The following GCNT2 variants were observed in gnomAD, a reference collection of about 807,000 sequenced individuals.
GCNT2 encodes the protein glucosaminyl (N-acetyl) transferase 2 (I blood group), also known as N-acetyllactosaminide beta-1,6-N-acetylglucosaminyl-transferase.
A neutral mutation model predicts 34.2 loss-of-function variants in GCNT2; 34 were observed. That is an observed-to-expected ratio of 1.00 (90% confidence interval 0.76 to 1.32). The LOEUF is 1.32. GCNT2 is among the 40% of genes most tolerant of loss of function. The pLI is 0.00. For missense variants in GCNT2, 584 were observed against 489.4 expected, an observed-to-expected ratio of 1.19 and a Z score of -1.82; for synonymous variants, 212 against 188.0, an observed-to-expected ratio of 1.13 and a Z score of -1.04.
At chr6:10,538,880 T>C (rs1488802937) in intron 3 of GCNT2, among the ~76,000 whole-genome samples, 1 of 152,152 alleles carries the variant, frequency 6.6e-6, no homozygotes, top group Non-Finnish European at 1.5e-5. Context: ...GGTAGCAATT[T>C]CCTTTTTAAA....
At position 10,526,632 on chromosome 6, in the gene GCNT2, G is replaced by A. The variant is rs1299445142; in HGVS notation, c.-468-842G>A. Among the ~76,000 whole-genome samples, 3 of 152,070 alleles carry A rather than the reference G, an allele frequency of 2.0e-5. No homozygotes were observed. In the East Asian group the frequency reaches 5.8e-4, roughly 29 times the overall value. On this transcript the variant is annotated intron_variant, in intron 1 of 4. Coordinates refer to ENST00000495262, the MANE Select transcript of GCNT2 (RefSeq NM_145649.5). ...TTGCCTAGGCAGGTCTCAAACTCCT[G>A]GCCTCGAGCTCCTCCCGCCTTGGCC...
intron 3 of GCNT2, among the ~76,000 whole-genome samples, chr6:10,537,698 C>CAAAAAAAAAAAAAAAAAAAA (rs201257236): frequency 1.1e-4 from 9 of 83,226 alleles, no homozygotes; most frequent in Non-Finnish European, 1.8e-4. Context: ...GATTCTGCCG[C>CAAAAAAAAAAAAAAAAAAAA]AAAAAAAAAA....
At chr6:10,604,326 A>G (rs762080896) in intron 3 of GCNT2, among the ~76,000 whole-genome samples, 2 of 152,196 alleles carry the variant, frequency 1.3e-5, no homozygotes, top group Non-Finnish European at 2.9e-5. Context: ...ATTTGGCAGA[A>G]GTTACAGAAT....
At chr6:10,600,053 G>A (rs1031458828) in intron 3 of GCNT2, among the ~76,000 whole-genome samples, 2 of 152,216 alleles carry the variant, frequency 1.3e-5, no homozygotes, top group Non-Finnish European at 2.9e-5. Context: ...TGTCTGTGTT[G>A]CATGATTTAG....
rs71548847 is a variant in GCNT2, at chr6:10,539,180, C to CTTT, written c.925+9368_925+9370dup. 7.0e-3 allele frequency among the ~76,000 whole-genome samples: 458 copies of CTTT among 65,322 alleles called. 72 individuals are homozygous for CTTT. Among genetic ancestry groups the CTTT allele is most frequent in the African/African-American group, 0.027 (435 of 16,180 alleles). 42.9% of individuals were successfully genotyped at this position (65,322 alleles called of 152,430 possible). A position where few individuals can be genotyped will look rare whatever the true frequency, so the allele number is the denominator to read the frequency against. On this transcript the variant is annotated intron_variant, in intron 3 of 4. Coordinates refer to ENST00000495262, the MANE Select transcript of GCNT2 (RefSeq NM_145649.5). The stretch of plus-strand genomic sequence containing the variant: ...AGCCTATCTCTACAGCTCACCGTCT[C>CTTT]TTTTTTTTTTTTTTTTTTTTTTTTT...
chr6:10,589,162 GTGGTGTGTGTGTGGTGTATGTGCGTC>G (rs1764512128), intron 3 of GCNT2, among the ~76,000 whole-genome samples: 1 of 112,702 alleles, frequency 8.9e-6, no homozygotes, highest in East Asian at 2.2e-4. Context: ...GTGTGTGCGT[GTGGTGTGTGTGTGGTGTATGTGCGTC>G]ATGTGTGTAT....
chr6:10,617,631 T>C (rs565627373), intron 3 of GCNT2, among the ~76,000 whole-genome samples: 1 of 152,324 alleles, frequency 6.6e-6, no homozygotes. Flanking sequence ...AGCCTTATTT[T>C]ACCCAGCTCC....
At chr6:10,556,312 G>A (rs1581399847) in intron 3 of GCNT2, 1 of 1,570,396 alleles carries the variant, frequency 6.4e-7, no homozygotes, top group Non-Finnish European at 8.6e-7. Context: ...TCTCCAACAG[G>A]GCAGGAGTGA....
chr6:10,587,047 G>A, intron 3 of GCNT2: 1 of 716,270 alleles, frequency 1.4e-6, no homozygotes, highest in Non-Finnish European at 2.4e-6. Context: ...GTTGCTTGTA[G>A]CAACAGTGTA....
intron 3 of GCNT2, among the ~76,000 whole-genome samples, chr6:10,558,806 T>C (rs1229337836): frequency 6.6e-6 from 1 of 152,274 alleles, no homozygotes; most frequent in Non-Finnish European, 1.5e-5. Flanking sequence ...TGAATGCGGC[T>C]CACTCGTATG....
intron 3 of GCNT2, among the ~76,000 whole-genome samples, chr6:10,564,325 C>CTG (rs751890345): frequency 2.6e-5 from 4 of 152,162 alleles, no homozygotes; most frequent in African/African-American, 4.8e-5. Flanking sequence ...TCTACATGCT[C>CTG]TGAACTAAAC....
chr6:10,590,891 C>G (rs1764611530), intron 3 of GCNT2, among the ~76,000 whole-genome samples: 1 of 152,198 alleles, frequency 6.6e-6, no homozygotes, highest in Non-Finnish European at 1.5e-5. Flanking sequence ...TAATGACATC[C>G]TCTCATAAAG....
intron 3 of GCNT2, among the ~76,000 whole-genome samples, chr6:10,596,198 A>T (rs1018455627): frequency 4.6e-5 from 7 of 152,168 alleles, no homozygotes; most frequent in African/African-American, 1.7e-4. Context: ...CTCTTTAGGC[A>T]TTCAAAGTAG....
intron 3 of GCNT2, among the ~76,000 whole-genome samples, chr6:10,560,716 T>G (rs1278323827): frequency 1.3e-5 from 2 of 152,078 alleles, no homozygotes; most frequent in Non-Finnish European, 2.9e-5. Flanking sequence ...GAAGTAGCAG[T>G]AAATCACAGA....
At chr6:10,618,298 A>C (rs929798682) in intron 3 of GCNT2, among the ~76,000 whole-genome samples, 4 of 152,236 alleles carry the variant, frequency 2.6e-5, no homozygotes, top group Non-Finnish European at 5.9e-5. Flanking sequence ...ACCTGTCATC[A>C]AACAGAAAGT....
chr6:10,531,674 G>T (rs571553097), intron 3 of GCNT2, among the ~76,000 whole-genome samples: 1 of 152,278 alleles, frequency 6.6e-6, no homozygotes, highest in South Asian at 2.1e-4. Context: ...TTAGGGCTCA[G>T]GAAAGTCTGG....
intron 1 of GCNT2, among the ~76,000 whole-genome samples, chr6:10,524,286 T>A (rs1761081808): frequency 6.6e-6 from 1 of 151,478 alleles, no homozygotes; most frequent in East Asian, 2.0e-4. Context: ...GTTTCGCTCT[T>A]GTTGCCTGGG....
chr6:10,523,983 A>C (rs1001519441), intron 1 of GCNT2, among the ~76,000 whole-genome samples: 2 of 150,880 alleles, frequency 1.3e-5, no homozygotes, highest in African/African-American at 2.4e-5. Flanking sequence ...AAAAAAAAAA[A>C]AAAAAAAAAA....
At chr6:10,590,877 T>C (rs557582767) in intron 3 of GCNT2, among the ~76,000 whole-genome samples, 41 of 152,192 alleles carry the variant, frequency 2.7e-4, no homozygotes, top group Non-Finnish European at 5.9e-4. Context: ...TTTTTATGGC[T>C]TTTTAATGAC....
Sources: allele counts gnomAD v4.1 joint callset (sites outside exome capture counted in the v4.1 genomes callset), GRCh38; gene constraint gnomAD v4.1.1; transcripts MANE v1.5; gene names NCBI Gene and HGNC (gene_info 2026-07-23, HGNC 2026-07-21).